The following SHISAL2A variants were observed in gnomAD, a reference collection of about 807,000 sequenced individuals.
SHISAL2A encodes protein shisa-like-2A.
SHISAL2A carries 18 observed loss-of-function variants against 11.5 expected under a neutral mutation model. That is an observed-to-expected ratio of 1.57 (90% CI 1.08 to 2.33). The LOEUF (loss-of-function observed/expected upper bound fraction) is 2.33, where lower values mean the gene tolerates loss of function less well. Among genes scored for constraint, SHISAL2A ranks in the 30% most tolerant of loss-of-function variants. The pLI is 0.00. For synonymous variants in SHISAL2A, 94 were observed against 99.6 expected (o/e 0.94, Z 0.34); for missense variants, 261 against 250.9 (o/e 1.04, Z -0.27).
At chr1:52,656,745 T>C in intron 2 of SHISAL2A, 45 bp from the exon 3 acceptor site, 4 of 1,558,736 alleles carry the variant, frequency 2.6e-6, no homozygotes, top group South Asian at 1.2e-5. Flanking sequence ...TGTGATCCTG[T>C]TGGGGAAGAA....
intron 5 of SHISAL2A, among the ~76,000 whole-genome samples, chr1:52,667,992 C>T (rs568463767): frequency 6.6e-6 from 1 of 152,096 alleles, no homozygotes; most frequent in Non-Finnish European, 1.5e-5. Context: ...GAGATGGTCA[C>T]CCCGGGAGTA....
At chr1:52,655,216 A>G (rs999528779) in intron 2 of SHISAL2A, among the ~76,000 whole-genome samples, 5 of 151,920 alleles carry the variant, frequency 3.3e-5, no homozygotes, top group Non-Finnish European at 7.4e-5. Flanking sequence ...AAAACAAAAT[A>G]TATAAAGAAC....
chr1:52,668,434 G>A (rs1448648052), intron 5 of SHISAL2A: 1 of 152,094 alleles, frequency 6.6e-6, no homozygotes, highest in African/African-American at 2.4e-5. Context: ...ATTCCTCTAG[G>A]AAATTGTTTT....
chr1:52,662,400 G>A (rs1328152709), intron 4 of SHISAL2A, among the ~76,000 whole-genome samples: 1 of 151,486 alleles, frequency 6.6e-6, no homozygotes, highest in Admixed American at 6.6e-5. Context: ...GCTGGAGTGC[G>A]ATGTCTCAAT....
chr1:52,650,766 T>C (rs1691620624), intron 2 of SHISAL2A, among the ~76,000 whole-genome samples: 1 of 147,056 alleles, frequency 6.8e-6, no homozygotes, highest in Non-Finnish European at 1.5e-5. Flanking sequence ...TGCCTCAGCC[T>C]CTCATGTAGC....
intron 2 of SHISAL2A, among the ~76,000 whole-genome samples, chr1:52,647,997 A>G (rs1359198337): frequency 1.3e-5 from 2 of 149,914 alleles, no homozygotes; most frequent in Non-Finnish European, 3.0e-5. Context: ...TGGTAAGAGT[A>G]TGCATTGGTA....
intron 1 of SHISAL2A, among the ~76,000 whole-genome samples, chr1:52,641,072 G>A (rs1691353832): frequency 6.6e-6 from 1 of 152,152 alleles, no homozygotes; most frequent in African/African-American, 2.4e-5. Flanking sequence ...TTGTGTGATT[G>A]GAGACCAGAT....
At chr1:52,634,323 T>C (rs1691196057) in intron 1 of SHISAL2A, among the ~76,000 whole-genome samples, 1 of 152,138 alleles carries the variant, frequency 6.6e-6, no homozygotes, top group Non-Finnish European at 1.5e-5. Flanking sequence ...TGGTTCCCTT[T>C]TGTATTTAGT....
intron 1 of SHISAL2A, among the ~76,000 whole-genome samples, chr1:52,637,578 T>A (rs1007028657): frequency 6.6e-6 from 1 of 152,194 alleles, no homozygotes; most frequent in African/African-American, 2.4e-5. Context: ...CATCACTAGT[T>A]CTGTTTTTTT....
At chr1:52,669,503 T>TA (rs1235282395) in exon 6 of SHISAL2A, 3 of 151,718 alleles carry the variant, frequency 2.0e-5, no homozygotes, top group Non-Finnish European at 2.9e-5. Context: ...CCATCTCTAT[T>TA]AAAAATACAA....
upstream of SHISAL2A, among the ~76,000 whole-genome samples, chr1:52,632,960 C>A (rs1289972824): frequency 6.6e-6 from 1 of 152,124 alleles, no homozygotes; most frequent in African/African-American, 2.4e-5. Flanking sequence ...ACTGACCCCG[C>A]CGTGTGGTCG....
In SHISAL2A at chr1:52,642,860, C is replaced by T; in HGVS notation, c.183-3C>T. 2 of 1,612,842 alleles carry T rather than the reference C, an allele frequency of 1.2e-6. No homozygotes were observed. Among genetic ancestry groups the T allele is most frequent in the Non-Finnish European group, 1.7e-6 (2 of 1,179,952 alleles). On this transcript the variant is annotated splice_polypyrimidine_tract_variant and splice_region_variant and intron_variant, in intron 1 of 2. Transcript: ENST00000517870. ...CAGCTCCCATGTGGTCTTCTCTTCC[C>T]AGCATTGGCGCTCTCATAGGCCTGT...
chr1:52,649,574 C>T (rs953931649), intron 2 of SHISAL2A, among the ~76,000 whole-genome samples: 10 of 152,330 alleles, frequency 6.6e-5, no homozygotes, highest in African/African-American at 2.4e-4. Flanking sequence ...CATCCCCAAA[C>T]TTGGGATGGC....
rs1005298698 is a variant in SHISAL2A at position 52,633,462 on chromosome 1, C to G, written c.-32C>G. On this transcript the variant is annotated 5_prime_UTR_variant, in exon 1 of 3. Coordinates refer to ENST00000517870, the MANE Select transcript of SHISAL2A (RefSeq NM_001042693.3). The surrounding 1 kb of genome is among the most constrained non-coding windows in gnomAD (Gnocchi z 6.4). The stretch of plus-strand genomic sequence containing the variant: ...GGGCTCTAGCCGGCCGTCTGGTGGC[C>G]CGAGGTGGCGGCGGGCTGGGCGCGG... 2.2e-5 allele frequency: 32 copies of G among 1,452,094 alleles called. 2 individuals carry two copies. In the East Asian group the frequency reaches 2.6e-4, roughly 12 times the overall value. The allele number at this position is 1,452,094 out of a possible 1,614,324, so 90.0% of individuals were successfully genotyped here. A position where few individuals can be genotyped will look rare whatever the true frequency, so the allele number is the denominator to read the frequency against.
chr1:52,645,148 C>G (rs1180243514), intron 2 of SHISAL2A, among the ~76,000 whole-genome samples: 1 of 151,978 alleles, frequency 6.6e-6, no homozygotes, highest in Non-Finnish European at 1.5e-5. Context: ...TTTGTAAACA[C>G]GAATTTTCCA....
intron 4 of SHISAL2A, among the ~76,000 whole-genome samples, chr1:52,662,941 CAG>C (rs754457478): frequency 1.3e-5 from 2 of 152,224 alleles, no homozygotes; most frequent in Admixed American, 6.5e-5. Flanking sequence ...TTGTCCAGCA[CAG>C]AGGGCTGCTG....
Position 52,633,346 on chromosome 1 carries a change from C to A in SHISAL2A, c.-148C>A. ...GGTCCTCGGGGCCCCGCGCTGCTGT[C>A]TCTGTCTCGGCTTCTCTCGGCCCCT... On this transcript the variant is annotated 5_prime_UTR_variant, in exon 1 of 3. Transcript: ENST00000517870. This position sits in a 1 kb window ranked among gnomAD's most constrained non-coding sequence, Gnocchi z 6.4. 1 of 729,162 alleles carries A rather than the reference C, an allele frequency of 1.4e-6. No homozygotes were observed. The highest frequency in any genetic ancestry group is 2.0e-6 in the Non-Finnish European group (1 of 490,812). 45.2% of individuals were successfully genotyped at this position (729,162 alleles called of 1,614,324 possible).
chr1:52,642,937 G>A lies in SHISAL2A; in HGVS notation c.257G>A (p.Cys86Tyr), dbSNP rs753445004. 1.9e-6 allele frequency: 3 copies of A among 1,614,100 alleles called. No individual in the cohort carries two copies. The Admixed American group carries it at 5.0e-5, about 27-fold the overall frequency. The change falls in exon 2 of 3, where the codon TGC becomes TAC. Residue 86 changes from cysteine (C) to tyrosine (Y), a missense_variant. Physicochemically the swap from Cys to Tyr is radical, Grantham distance 194. Coordinates refer to ENST00000517870, the MANE Select transcript of SHISAL2A (RefSeq NM_001042693.3). ...TTCATTGTTACCGCCTGTGTGCTCT[G>A]CTACCTGTTCATCAGCTCTAAGCCC... ...LAFIVTACVL[C>Y]YLFISSKPHT...
intron 4 of SHISAL2A, among the ~76,000 whole-genome samples, chr1:52,665,617 A>G (rs549402928): frequency 1.3e-5 from 2 of 152,236 alleles, no homozygotes; most frequent in South Asian, 4.1e-4. Context: ...CTTTGCCAAC[A>G]CTGCAGGAAC....
Sources: gnomAD v4.1 joint callset for allele counts (sites outside exome capture counted in the v4.1 genomes callset) on GRCh38, gnomAD v4.1.1 for gene constraint, Gnocchi (gnomAD v3.1) non-coding constraint, MANE v1.5 for transcripts, NCBI Gene and HGNC (gene_info 2026-07-23, HGNC 2026-07-21) for gene names.